The following ARHGAP24 variants were observed in gnomAD, a reference collection of about 807,000 sequenced individuals.
ARHGAP24 encodes the protein rho GTPase-activating protein 24.
ARHGAP24 carries 50 observed loss-of-function variants against 76.4 expected under a neutral mutation model. The ratio of observed to expected loss-of-function variants is 0.65; its 90% CI spans 0.52 to 0.83. The LOEUF (loss-of-function observed/expected upper bound fraction) is 0.83, where lower values mean the gene tolerates loss of function less well. ARHGAP24 is among the 40% of genes least tolerant of loss of function. The probability of loss-of-function intolerance (pLI) is 0.00; values close to 1 mark genes in which losing one functional copy is unlikely to be tolerated. For synonymous variants in ARHGAP24, 345 were observed against 323.3 expected, an observed-to-expected ratio of 1.07 and a Z score of -0.72; for missense variants, 930 against 914.2, an observed-to-expected ratio of 1.02 and a Z score of -0.22.
At chr4:85,484,391 A>G (rs953192752) in intron 1 of ARHGAP24, among the ~76,000 whole-genome samples, 2 of 152,198 alleles carry the variant, frequency 1.3e-5, no homozygotes, top group Admixed American at 6.5e-5. Context: ...TGAAAAGCAC[A>G]GGCAGATGGG....
chr4:85,956,834 A>G (rs1737930774), intron 5 of ARHGAP24, among the ~76,000 whole-genome samples: 1 of 152,180 alleles, frequency 6.6e-6, no homozygotes, highest in African/African-American at 2.4e-5. Context: ...ACTCAGCTCC[A>G]GCCCTAACAA....
chr4:85,991,774 C>A, intron 8 of ARHGAP24: 1 of 175,358 alleles, frequency 5.7e-6, no homozygotes. Context: ...CAGGAGTATA[C>A]ACATTTGTCA....
chr4:85,974,845 C>A (rs1739231635), intron 6 of ARHGAP24, 43 bp from the exon 7 acceptor site: 4 of 1,578,204 alleles, frequency 2.5e-6, no homozygotes, highest in South Asian at 1.1e-5. Flanking sequence ...ATTCTAAGGC[C>A]AACGTGTAGA....
chr4:85,491,606 G>C (rs1161762838), intron 1 of ARHGAP24, among the ~76,000 whole-genome samples: 1 of 152,150 alleles, frequency 6.6e-6, no homozygotes, highest in Non-Finnish European at 1.5e-5. Flanking sequence ...AGTCCCAAGA[G>C]GGGTTCTGTG....
At chr4:85,517,736 T>A (rs1433763734) in intron 1 of ARHGAP24, among the ~76,000 whole-genome samples, 2 of 152,154 alleles carry the variant, frequency 1.3e-5, no homozygotes, top group South Asian at 2.1e-4. Flanking sequence ...ATTTGTGGGT[T>A]TTTTTGACAG....
chr4:85,823,333 A>C (rs1560652326), intron 3 of ARHGAP24, among the ~76,000 whole-genome samples: 1 of 152,218 alleles, frequency 6.6e-6, no homozygotes, highest in Non-Finnish European at 1.5e-5. Context: ...GTAATGTATC[A>C]TAAAATATCT....
intron 5 of ARHGAP24, among the ~76,000 whole-genome samples, chr4:85,953,848 T>C (rs1173788157): frequency 2.0e-5 from 3 of 152,054 alleles, no homozygotes; most frequent in African/African-American, 7.2e-5. Flanking sequence ...GAATGAGATC[T>C]GGATTCCAAG....
At chr4:85,718,074 A>G (rs529083468) in intron 2 of ARHGAP24, among the ~76,000 whole-genome samples, 1 of 152,214 alleles carries the variant, frequency 6.6e-6, no homozygotes, top group South Asian at 2.1e-4. Flanking sequence ...TTAATGACTA[A>G]TTTATCTCTT....
chr4:85,882,480 G>A (rs145842451), intron 3 of ARHGAP24, among the ~76,000 whole-genome samples: 29 of 152,110 alleles, frequency 1.9e-4, no homozygotes, highest in Non-Finnish European at 4.0e-4. Context: ...TCTGACTTCC[G>A]GCTCTGCTAT....
intron 2 of ARHGAP24, among the ~76,000 whole-genome samples, chr4:85,717,148 G>A (rs1284592211): frequency 6.6e-6 from 1 of 151,960 alleles, no homozygotes; most frequent in Non-Finnish European, 1.5e-5. Context: ...CATGGGGATG[G>A]GCCTTATGGA....
At chr4:85,771,402 A>G (rs1184424827) in intron 3 of ARHGAP24, among the ~76,000 whole-genome samples, 1 of 152,234 alleles carries the variant, frequency 6.6e-6, no homozygotes, top group African/African-American at 2.4e-5. Context: ...AAAAGCAGAC[A>G]AAGTAAATTC....
intron 1 of ARHGAP24, among the ~76,000 whole-genome samples, chr4:85,477,123 T>C (rs982368656): frequency 6.6e-6 from 1 of 152,198 alleles, no homozygotes; most frequent in Non-Finnish European, 1.5e-5. Flanking sequence ...AGAGATAAAC[T>C]GAGTTTTTCA....
In ARHGAP24 at chr4:85,564,924, GTATATATATA is replaced by G. The variant is rs3028011; in HGVS notation, c.-20-5561_-20-5552del. ...CCCTGCTCTAGGCAGAACACACACG[GTATATATATA>G]TATATATATATATATATATATATAT... On this transcript the variant is annotated intron_variant, in intron 1 of 9. Transcript: ENST00000395184. Among the ~76,000 whole-genome samples, 344 of 53,234 alleles carry G rather than the reference GTATATATATA, an allele frequency of 6.5e-3. 3 individuals are homozygous for G. The highest frequency in any genetic ancestry group is 0.015 in the South Asian group (15 of 992). 34.9% of individuals were successfully genotyped at this position (53,234 alleles called of 152,430 possible).
chr4:85,577,812 G>T (rs1727442140), intron 2 of ARHGAP24, among the ~76,000 whole-genome samples: 1 of 152,308 alleles, frequency 6.6e-6, no homozygotes, highest in African/African-American at 2.4e-5. Context: ...ATGAAGGATG[G>T]TATCCGTAGC....
intron 3 of ARHGAP24, among the ~76,000 whole-genome samples, chr4:85,832,006 A>G (rs1217028495): frequency 2.0e-5 from 3 of 152,036 alleles, no homozygotes; most frequent in East Asian, 1.9e-4. Flanking sequence ...TGGGGCCAAT[A>G]GATTAGGAGG....
At chr4:85,816,350 T>C (rs550642242) in intron 3 of ARHGAP24, among the ~76,000 whole-genome samples, 1 of 152,314 alleles carries the variant, frequency 6.6e-6, no homozygotes, top group African/African-American at 2.4e-5. Context: ...TTCTATTCTC[T>C]GTTTCTATGA....
chr4:85,545,501 C>T (rs1725887773), intron 1 of ARHGAP24, among the ~76,000 whole-genome samples: 1 of 152,194 alleles, frequency 6.6e-6, no homozygotes, highest in Admixed American at 6.5e-5. Flanking sequence ...TCCCCTTGGG[C>T]TGAGACTATC....
chr4:85,522,174 G>A (rs1043801380), intron 1 of ARHGAP24, among the ~76,000 whole-genome samples: 1 of 152,126 alleles, frequency 6.6e-6, no homozygotes, highest in African/African-American at 2.4e-5. Flanking sequence ...GTACTTCAGT[G>A]TAGATAAGCC....
At chr4:85,531,621 T>G (rs1341807024) in intron 1 of ARHGAP24, among the ~76,000 whole-genome samples, 1 of 152,142 alleles carries the variant, frequency 6.6e-6, no homozygotes, top group Non-Finnish European at 1.5e-5. Flanking sequence ...CAGTGATCTG[T>G]GCTTTAAATG....
Sources: allele counts gnomAD v4.1 joint callset (sites outside exome capture counted in the v4.1 genomes callset), GRCh38; gene constraint gnomAD v4.1.1; transcripts MANE v1.5; gene names NCBI Gene and HGNC (gene_info 2026-07-23, HGNC 2026-07-21).